MICAL3: variants seen among roughly 807,000 people sequenced by gnomAD.
The protein encoded by MICAL3 is microtubule associated monooxygenase, calponin and LIM domain containing 3.
In MICAL3, 62 loss-of-function variants were observed where a neutral mutation model predicts 207.4. The ratio of observed to expected loss-of-function variants is 0.30; its 90% CI spans 0.24 to 0.37. The LOEUF is 0.37. Ranked by LOEUF, MICAL3 falls within the 10% of genes least tolerant of loss-of-function variation. The pLI is 1.00. For missense variants in MICAL3, 2,368 were observed against 2,635.6 expected (o/e 0.90, Z 2.22); for synonymous variants, 1,077 against 1,069.3 (o/e 1.01, Z -0.14).
rs370165379 is a variant in MICAL3 at position 17,904,666 on chromosome 22, A to G, written c.438T>C (p.Tyr146=). 38 of 1,614,004 alleles carry G rather than the reference A, an allele frequency of 2.4e-5. No individual in the cohort carries two copies. Among genetic ancestry groups the G allele is most frequent in the Non-Finnish European group, 3.2e-5 (38 of 1,179,998 alleles). ...DLRGLGAKKF[Y]GKFCAGAIDH... ...CGATGGCTCCAGCACAGAACTTGCCATAGAACTTCTTGGCACCCAGACCTC... is the reference window on the plus strand; with the variant it reads ...CGATGGCTCCAGCACAGAACTTGCCGTAGAACTTCTTGGCACCCAGACCTC... The change falls in exon 3 of 32, where the codon TAT becomes TAC. Residue 146 remains tyrosine, a synonymous_variant. Transcript: ENST00000441493.
rs1476993500 is a variant in MICAL3, at chr22:17,841,087, A to T, written c.2801+735T>A. 6.6e-6 allele frequency: 1 copy of T among 152,352 alleles called. No homozygotes were observed. The highest frequency in any genetic ancestry group is 1.5e-5 in the Non-Finnish European group (1 of 68,184). The allele number at this position is 152,352 out of a possible 1,614,324, so 9.4% of individuals were successfully genotyped here. A position where few individuals can be genotyped will look rare whatever the true frequency, so the allele number is the denominator to read the frequency against. On this transcript the variant is annotated intron_variant, in intron 20 of 31. Coordinates refer to ENST00000441493, the MANE Select transcript of MICAL3 (RefSeq NM_015241.3). This position sits in a 1 kb window ranked among gnomAD's most constrained non-coding sequence, Gnocchi z 4.2. Reference sequence around the variant, plus strand: ...AAGGTGTGTGATTCAAATGCTCTCCAAGGCCACTTGAGGCCTCTGCCCCTC... The same window carrying T: ...AAGGTGTGTGATTCAAATGCTCTCCTAGGCCACTTGAGGCCTCTGCCCCTC...
chr22:17,864,643 G>C, intron 19 of MICAL3: 1 of 1,589,430 alleles, frequency 6.3e-7, no homozygotes, highest in Non-Finnish European at 8.5e-7. Context: ...GCCGCCCACC[G>C]GACGGCCCCA....
intron 1 of MICAL3, among the ~76,000 whole-genome samples, chr22:17,910,229 C>A (rs1373016068): frequency 6.6e-6 from 1 of 152,206 alleles, no homozygotes; most frequent in African/African-American, 2.4e-5. Context: ...TTGGCTTACA[C>A]CTACCCTGAA....
At chr22:17,873,802 C>T (rs895520632) in intron 16 of MICAL3, among the ~76,000 whole-genome samples, 1 of 152,268 alleles carries the variant, frequency 6.6e-6, no homozygotes, top group Non-Finnish European at 1.5e-5. Context: ...CTTGACCTGT[C>T]CCGAGAGGAA....
chr22:17,976,561 G>GTATATATA (rs751076102), intron 1 of MICAL3, among the ~76,000 whole-genome samples: 22 of 80,060 alleles, frequency 2.7e-4, no homozygotes, highest in African/African-American at 5.8e-4. Flanking sequence ...GTGTGTGTGT[G>GTATATATA]TATATATATA....
At chr22:17,876,829 T>A (rs34083854) in intron 16 of MICAL3, 3 of 25,286 alleles carry the variant, frequency 1.2e-4, no homozygotes, top group South Asian at 2.5e-3. Flanking sequence ...AGGGAGGTTA[T>A]GGAGGTTAGG....
chr22:17,888,435 G>GA (rs1353461778), intron 13 of MICAL3, among the ~76,000 whole-genome samples: 1 of 116,916 alleles, frequency 8.6e-6, no homozygotes, highest in Non-Finnish European at 1.7e-5. Context: ...AGTAGGAGTA[G>GA]AAAGAAGCCA....
At chr22:17,930,210 G>A (rs979947236) in intron 1 of MICAL3, among the ~76,000 whole-genome samples, 9 of 151,672 alleles carry the variant, frequency 5.9e-5, no homozygotes, top group Non-Finnish European at 8.8e-5. Context: ...CAATGCGCGT[G>A]GTGAACTCGT....
Position 17,906,863 on chromosome 22 carries a change from T to C in MICAL3, c.-51A>G. ...GAGGGGGAGGTGGGATGGCTGTGGG[T>C]CCACCTGACACTGTCACGTTAATCT... On this transcript the variant is annotated 5_prime_UTR_variant, in exon 2 of 32. Coordinates refer to ENST00000441493, the MANE Select transcript of MICAL3 (RefSeq NM_015241.3). 2 of 1,499,308 alleles carry C rather than the reference T, an allele frequency of 1.3e-6. No individual in the cohort carries two copies. Among genetic ancestry groups the C allele is most frequent in the Non-Finnish European group, 9.0e-7 (1 of 1,113,234 alleles). The allele number at this position is 1,499,308 out of a possible 1,614,324, so 92.9% of individuals were successfully genotyped here.
chr22:17,857,381 G>A (rs368613431), intron 19 of MICAL3, among the ~76,000 whole-genome samples: 1 of 152,196 alleles, frequency 6.6e-6, no homozygotes, highest in East Asian at 1.9e-4. Context: ...AAGGCCTGAT[G>A]ATCTGAGGTG....
chr22:17,930,266 T>G (rs980620468), intron 1 of MICAL3, among the ~76,000 whole-genome samples: 1 of 152,220 alleles, frequency 6.6e-6, no homozygotes, highest in African/African-American at 2.4e-5. Context: ...TGAAGCTACA[T>G]ACACATCTAC....
At chr22:17,975,742 T>A (rs569320032) in intron 1 of MICAL3, among the ~76,000 whole-genome samples, 1 of 152,276 alleles carries the variant, frequency 6.6e-6, no homozygotes, top group African/African-American at 2.4e-5. Context: ...CAGACTCTCC[T>A]GAACACCCTC....
intron 1 of MICAL3, among the ~76,000 whole-genome samples, chr22:18,022,166 T>C (rs962693423): frequency 6.6e-6 from 1 of 152,154 alleles, no homozygotes; most frequent in African/African-American, 2.4e-5. Context: ...ACATTCATGG[T>C]AACTTTAGAA....
chr22:17,856,091 T>C (rs984818263), intron 19 of MICAL3, among the ~76,000 whole-genome samples: 2 of 152,260 alleles, frequency 1.3e-5, no homozygotes, highest in Non-Finnish European at 2.9e-5. Flanking sequence ...GCTCAGGGCC[T>C]GTGCACAGTG....
intron 1 of MICAL3, among the ~76,000 whole-genome samples, chr22:17,982,769 G>A (rs61092574): frequency 2.7e-5 from 4 of 148,542 alleles, no homozygotes; most frequent in South Asian, 2.1e-4. Flanking sequence ...GTAAAATAAA[G>A]TAAAATAAAA....
chr22:18,000,851 G>C (rs1922892600), intron 1 of MICAL3, among the ~76,000 whole-genome samples: 1 of 152,222 alleles, frequency 6.6e-6, no homozygotes, highest in African/African-American at 2.4e-5. Flanking sequence ...CTCCAGGCCG[G>C]GGCAGCGGGA....
At chr22:17,898,436 A>G (rs1602174972) in intron 7 of MICAL3, among the ~76,000 whole-genome samples, 2 of 152,232 alleles carry the variant, frequency 1.3e-5, no homozygotes, top group South Asian at 2.1e-4. Context: ...AACACACGCA[A>G]GGTTCCTGGG....
chr22:17,922,302 AAG>A (rs1932819571), intron 1 of MICAL3, among the ~76,000 whole-genome samples: 1 of 152,168 alleles, frequency 6.6e-6, no homozygotes, highest in East Asian at 1.9e-4. Context: ...AAGAAGGAAA[AAG>A]ATAAACAGAA....
chr22:17,843,432 C>T (rs901165939), intron 19 of MICAL3, among the ~76,000 whole-genome samples: 3 of 152,106 alleles, frequency 2.0e-5, no homozygotes, highest in African/African-American at 7.2e-5. Flanking sequence ...GCGGGCAACC[C>T]CAGGTCAGAT....
Sources: gnomAD v4.1 joint callset for allele counts (sites outside exome capture counted in the v4.1 genomes callset) on GRCh38, gnomAD v4.1.1 for gene constraint, Gnocchi (gnomAD v3.1) non-coding constraint, MANE v1.5 for transcripts, NCBI Gene and HGNC (gene_info 2026-07-23, HGNC 2026-07-21) for gene names.